SBF2: variants seen among roughly 807,000 people sequenced by gnomAD.
SBF2 encodes the protein SET binding factor 2.
SBF2 carries 112 observed loss-of-function variants against 225.2 expected under a neutral mutation model. The observed-to-expected ratio is 0.50, with a 90% CI of 0.43 to 0.58. SBF2 has a LOEUF of 0.58. Among genes scored for constraint, SBF2 ranks in the 20% least tolerant of loss-of-function variants. SBF2 has a pLI of 0.00. For missense variants in SBF2, 1,996 were observed against 2,206.2 expected (o/e 0.90, Z 1.91); for synonymous variants, 763 against 773.3 (o/e 0.99, Z 0.22).
intron 1 of SBF2, among the ~76,000 whole-genome samples, chr11:10,254,017 G>A (rs1417895046): frequency 6.6e-6 from 1 of 152,130 alleles, no homozygotes; most frequent in Non-Finnish European, 1.5e-5. Flanking sequence ...AGAGAAAAGG[G>A]AACCCTTACA....
At chr11:10,001,380 T>C (rs1337748010) in intron 7 of SBF2, among the ~76,000 whole-genome samples, 1 of 152,120 alleles carries the variant, frequency 6.6e-6, no homozygotes. Flanking sequence ...CCTCTCAGTA[T>C]GAGGCAATGA....
chr11:10,175,358 A>G (rs1261048184), intron 2 of SBF2, among the ~76,000 whole-genome samples: 1 of 151,228 alleles, frequency 6.6e-6, no homozygotes, highest in Non-Finnish European at 1.5e-5. Flanking sequence ...TAGGGGTTGC[A>G]ATCCTAGTCT....
intron 14 of SBF2, 110 bp from the exon 15 acceptor site, chr11:9,963,992 C>T (rs903916410): frequency 1.0e-5 from 7 of 677,106 alleles, no homozygotes; most frequent in African/African-American, 3.6e-5. Flanking sequence ...GGCTCACACC[C>T]GTAATCCCAG....
At chr11:10,221,309 T>C (rs964177687) in intron 1 of SBF2, among the ~76,000 whole-genome samples, 1 of 151,566 alleles carries the variant, frequency 6.6e-6, no homozygotes, top group African/African-American at 2.4e-5. Flanking sequence ...GTAGAGATAG[T>C]GTTTCACCAT....
chr11:9,863,745 CCTCT>C (rs66774454), intron 17 of SBF2, among the ~76,000 whole-genome samples: 2,032 of 147,926 alleles, frequency 0.014, 23 homozygotes, highest in Middle Eastern at 0.035. Flanking sequence ...TTTGTCCCTC[CCTCT>C]CTCTCTTTTT....
At position 10,206,723 on chromosome 11, in the gene SBF2, T is replaced by C. The variant is rs145782836; in HGVS notation, c.56-12736A>G. ...TTAAAATCTCACTGGATGGTTTCAATAGTAGAGTGAAAATGGCATAGCATA... is the reference window on the plus strand; with the variant it reads ...TTAAAATCTCACTGGATGGTTTCAACAGTAGAGTGAAAATGGCATAGCATA... On this transcript the variant is annotated intron_variant, in intron 1 of 39. Transcript: ENST00000256190. Among the ~76,000 whole-genome samples the C allele has an allele frequency of 1.6e-3, 249 of 152,194 alleles. 1 individual carries two copies. Among genetic ancestry groups the C allele is most frequent in the African/African-American group, 4.6e-3 (192 of 41,544 alleles).
intron 1 of SBF2, among the ~76,000 whole-genome samples, chr11:10,289,088 G>A (rs1350587518): frequency 6.6e-6 from 1 of 152,254 alleles, no homozygotes; most frequent in East Asian, 1.9e-4. Context: ...GGGGGCTGAG[G>A]AGGCAGGGGC....
At chr11:9,954,990 C>T (rs1178086963) in intron 16 of SBF2, among the ~76,000 whole-genome samples, 1 of 151,960 alleles carries the variant, frequency 6.6e-6, no homozygotes, top group Non-Finnish European at 1.5e-5. Context: ...TTCCTTTATC[C>T]TCTATAATAA....
chr11:9,790,433 C>G (rs1852667685), intron 34 of SBF2, 123 bp downstream of exon 34: 2 of 796,074 alleles, frequency 2.5e-6, no homozygotes, highest in South Asian at 3.8e-5. Flanking sequence ...TTTGAAATAG[C>G]TTTTTGGTAT....
chr11:10,299,588 T>C lies in SBF2; in HGVS notation n.386+4904A>G, dbSNP rs142310942. 5.2e-3 allele frequency among the ~76,000 whole-genome samples: 795 copies of C among 152,248 alleles called. 9 individuals are homozygous for C. Among genetic ancestry groups the C allele is most frequent in the African/African-American group, 0.018 (763 of 41,532 alleles). ...TGCCTGTTCAGAAATGTTGGAGAAT[T>C]TCAAAACAGCTTCAGCAGAGCATTC... On this transcript the variant is annotated intron_variant and non_coding_transcript_variant, in intron 1 of 5. Coordinates refer to the SBF2 transcript ENST00000685217.
chr11:10,086,347 A>G (rs1590925632), intron 2 of SBF2, among the ~76,000 whole-genome samples: 1 of 152,152 alleles, frequency 6.6e-6, no homozygotes, highest in African/African-American at 2.4e-5. Context: ...TTTCAAATAT[A>G]CCTGACATAA....
chr11:10,007,115 G>A (rs912588143), intron 6 of SBF2, among the ~76,000 whole-genome samples: 1 of 152,204 alleles, frequency 6.6e-6, no homozygotes, highest in African/African-American at 2.4e-5. Context: ...ATGAACAGGA[G>A]AGGGCTCTCT....
At chr11:9,997,128 G>T (rs529931662) in intron 9 of SBF2, among the ~76,000 whole-genome samples, 1 of 152,266 alleles carries the variant, frequency 6.6e-6, no homozygotes, top group Non-Finnish European at 1.5e-5. Flanking sequence ...AGTTTTCTGA[G>T]AATAAAATCC....
At chr11:10,272,401 C>CA (rs1366385012) in intron 1 of SBF2, 1 of 473,648 alleles carries the variant, frequency 2.1e-6, no homozygotes. Flanking sequence ...ACAATTTCTT[C>CA]AATAACTTCA....
In SBF2 at chr11:10,220,954, T is replaced by C. The variant is rs117550819; in HGVS notation, c.56-26967A>G. Among the ~76,000 whole-genome samples, 21 of 152,282 alleles carry C rather than the reference T, an allele frequency of 1.4e-4. No individual in the cohort carries two copies. The East Asian group carries it at 2.7e-3, about 20-fold the overall frequency. Reference sequence around the variant, plus strand: ...ATAGATAAAACACAGGAATCACCTCTTCTAGAAAGCCTTCTTTCATCTCCT... The same window carrying C: ...ATAGATAAAACACAGGAATCACCTCCTCTAGAAAGCCTTCTTTCATCTCCT... On this transcript the variant is annotated intron_variant, in intron 1 of 39. Coordinates refer to ENST00000256190, the MANE Select transcript of SBF2 (RefSeq NM_030962.4).
chr11:10,171,509 C>A (rs914024960), intron 2 of SBF2, among the ~76,000 whole-genome samples: 6 of 152,132 alleles, frequency 3.9e-5, no homozygotes, highest in Non-Finnish European at 5.9e-5. Context: ...GATGAAGGAT[C>A]TTTTAAACAT....
intron 14 of SBF2, among the ~76,000 whole-genome samples, chr11:9,964,515 T>G (rs1866776690): frequency 6.6e-6 from 1 of 152,232 alleles, no homozygotes; most frequent in Admixed American, 6.5e-5. Context: ...ATTGTTAATA[T>G]TTCTAAGATA....
chr11:10,087,980 G>A (rs1057251924), intron 2 of SBF2, among the ~76,000 whole-genome samples: 12 of 151,388 alleles, frequency 7.9e-5, no homozygotes, highest in Non-Finnish European at 1.3e-4. Context: ...ATCACATATC[G>A]TTGTAATTTG....
chr11:9,804,218 T>C (rs754737872), intron 32 of SBF2, among the ~76,000 whole-genome samples: 33 of 152,108 alleles, frequency 2.2e-4, no homozygotes, highest in African/African-American at 7.5e-4. Context: ...ACACTGAAAA[T>C]AGCATGGAAA....
Sources: gnomAD v4.1 joint callset for allele counts (sites outside exome capture counted in the v4.1 genomes callset) on GRCh38, gnomAD v4.1.1 for gene constraint, MANE v1.5 for transcripts, NCBI Gene and HGNC (gene_info 2026-07-23, HGNC 2026-07-21) for gene names.